Variants in CLIP4 observed in about 807,000 individuals in gnomAD.
The protein encoded by CLIP4 is CAP-Gly domain-containing linker protein 4.
Under a neutral mutation model 73.1 loss-of-function variants are expected in CLIP4, and 47 were observed. The ratio of observed to expected loss-of-function variants is 0.64; its 90% confidence interval spans 0.51 to 0.82. The LOEUF (loss-of-function observed/expected upper bound fraction) is 0.82, where lower values mean the gene tolerates loss of function less well. Ranked by LOEUF, CLIP4 falls within the 40% of genes least tolerant of loss-of-function variation. The pLI is 0.00. For synonymous variants in CLIP4, 306 were observed against 295.4 expected, an observed-to-expected ratio of 1.04 and a Z score of -0.37; for missense variants, 874 against 852.9, an observed-to-expected ratio of 1.02 and a Z score of -0.31.
At position 29,176,548 on chromosome 2, in the gene CLIP4, G is replaced by A. The variant is rs114642933; in HGVS notation, c.1796+2103G>A. On this transcript the variant is annotated intron_variant, in intron 15 of 15. Coordinates refer to ENST00000320081, the MANE Select transcript of CLIP4 (RefSeq NM_024692.6). ...ACGTATAGAAATGGTAGTGAGGAAT[G>A]CGTTTCATCCCGAGGAAGACATGGC... is the stretch of plus-strand genomic sequence containing the variant. Among the ~76,000 whole-genome samples the A allele has an allele frequency of 1.9e-3, 294 of 152,278 alleles. 1 individual carries two copies. Among genetic ancestry groups the A allele is most frequent in the African/African-American group, 6.7e-3 (277 of 41,550 alleles).
chr2:29,137,774 G>A (rs1026466551), intron 6 of CLIP4, among the ~76,000 whole-genome samples: 8 of 152,130 alleles, frequency 5.3e-5, no homozygotes, highest in Non-Finnish European at 1.0e-4. Context: ...GATTAGTGAC[G>A]TTGAGCATTT....
At chr2:29,103,505 C>T (rs1262263113) in intron 1 of CLIP4, among the ~76,000 whole-genome samples, 3 of 151,898 alleles carry the variant, frequency 2.0e-5, no homozygotes, top group Non-Finnish European at 4.4e-5. Context: ...CTTTTCATAC[C>T]ATAACTTACA....
chr2:29,153,750 G>C (rs1666737168), intron 9 of CLIP4, among the ~76,000 whole-genome samples: 1 of 152,108 alleles, frequency 6.6e-6, no homozygotes, highest in Non-Finnish European at 1.5e-5. Context: ...AATTAGGCTG[G>C]CCTTTATATT....
intron 8 of CLIP4, among the ~76,000 whole-genome samples, chr2:29,146,575 G>A (rs557355294): frequency 6.6e-6 from 1 of 152,140 alleles, no homozygotes; most frequent in Non-Finnish European, 1.5e-5. Context: ...TTACTATGTT[G>A]TGAATACTTT....
At chr2:29,119,797 C>T (rs1664131657) in intron 1 of CLIP4, among the ~76,000 whole-genome samples, 1 of 152,252 alleles carries the variant, frequency 6.6e-6, no homozygotes, top group Middle Eastern at 3.4e-3. Flanking sequence ...ACAGATGATA[C>T]CTTCTTCACC....
At chr2:29,171,047 G>T (rs1317488274) in intron 14 of CLIP4, among the ~76,000 whole-genome samples, 1 of 152,082 alleles carries the variant, frequency 6.6e-6, no homozygotes, top group Non-Finnish European at 1.5e-5. Context: ...CTCTGGTTTT[G>T]ATCTGCTTCT....
intron 13 of CLIP4, among the ~76,000 whole-genome samples, chr2:29,165,275 A>G (rs1171106269): frequency 7.3e-6 from 1 of 137,010 alleles, no homozygotes; most frequent in East Asian, 2.2e-4. Flanking sequence ...TTTTTTTTGT[A>G]TTTGTTTTAT....
intron 6 of CLIP4, among the ~76,000 whole-genome samples, chr2:29,139,681 G>T (rs1290405357): frequency 6.6e-6 from 1 of 152,018 alleles, no homozygotes; most frequent in South Asian, 2.1e-4. Context: ...TGTGTTCAGG[G>T]TTTCACTTTC....
At chr2:29,171,235 T>C (rs1667981007) in intron 14 of CLIP4, among the ~76,000 whole-genome samples, 2 of 152,338 alleles carry the variant, frequency 1.3e-5, no homozygotes, top group African/African-American at 4.8e-5. Context: ...AAACATGGAC[T>C]ATCTCTCCAT....
At chr2:29,152,627 G>C in intron 8 of CLIP4, 58 bp from the exon 9 acceptor site, 2 of 1,555,482 alleles carry the variant, frequency 1.3e-6, no homozygotes, top group Non-Finnish European at 1.8e-6. Context: ...AGTTGTACTT[G>C]TTCCTTTATT....
chr2:29,098,832 T>C (rs896425013), intron 1 of CLIP4, among the ~76,000 whole-genome samples: 1 of 152,222 alleles, frequency 6.6e-6, no homozygotes, highest in Admixed American at 6.5e-5. Context: ...CCACCAGCAA[T>C]GAGTGAAAGT....
intron 14 of CLIP4, among the ~76,000 whole-genome samples, chr2:29,170,775 A>G (rs1254227734): frequency 6.6e-6 from 1 of 152,022 alleles, no homozygotes; most frequent in Non-Finnish European, 1.5e-5. Flanking sequence ...ATTTTTGGGT[A>G]AGATGTGAGG....
chr2:29,167,687 GT>G (rs1206894558), intron 14 of CLIP4, 147 bp downstream of exon 14: 5 of 516,088 alleles, frequency 9.7e-6, no homozygotes, highest in Non-Finnish European at 1.6e-5. Context: ...TCTGTTACCT[GT>G]CCCCTGGCTG....
At chr2:29,141,940 C>T (rs911920095) in intron 6 of CLIP4, among the ~76,000 whole-genome samples, 1 of 152,044 alleles carries the variant, frequency 6.6e-6, no homozygotes, top group Non-Finnish European at 1.5e-5. Context: ...TTTGTGACAG[C>T]AAGTATTATT....
At chr2:29,147,740 A>G (rs575937701) in intron 8 of CLIP4, among the ~76,000 whole-genome samples, 1 of 152,294 alleles carries the variant, frequency 6.6e-6, no homozygotes, top group African/African-American at 2.4e-5. Flanking sequence ...CAACATACAC[A>G]ATAAATTGTT....
chr2:29,171,434 A>G (rs575319142), intron 14 of CLIP4, among the ~76,000 whole-genome samples: 1 of 151,978 alleles, frequency 6.6e-6, no homozygotes, highest in South Asian at 2.1e-4. Context: ...TATTTGCCGA[A>G]TATATCTTTT....
intron 2 of CLIP4, among the ~76,000 whole-genome samples, chr2:29,124,299 C>G (rs574075420): frequency 2.4e-4 from 37 of 152,278 alleles, no homozygotes; most frequent in Admixed American, 2.4e-3. Context: ...TCTTTCAGTA[C>G]TTGAAAGATC....
At chr2:29,177,625 C>T (rs939455222) in intron 15 of CLIP4, among the ~76,000 whole-genome samples, 2 of 151,964 alleles carry the variant, frequency 1.3e-5, no homozygotes, top group Admixed American at 1.3e-4. Flanking sequence ...ACGATCTCTG[C>T]GTTTCCTTTT....
intron 1 of CLIP4, among the ~76,000 whole-genome samples, chr2:29,100,183 G>GC (rs1444976532): frequency 6.6e-6 from 1 of 151,990 alleles, no homozygotes; most frequent in East Asian, 1.9e-4. Context: ...GCCCACCGTG[G>GC]CCTCCCAAAA....
Sources: allele counts gnomAD v4.1 joint callset (sites outside exome capture counted in the v4.1 genomes callset), GRCh38; gene constraint gnomAD v4.1.1; transcripts MANE v1.5; gene names NCBI Gene and HGNC (gene_info 2026-07-23, HGNC 2026-07-21).